SAE1: variants seen among roughly 807,000 people sequenced by gnomAD.
SAE1 encodes the protein SUMO-activating enzyme subunit 1.
A neutral mutation model predicts 40.6 loss-of-function variants in SAE1; 11 were observed. That is an observed-to-expected ratio of 0.27 (90% CI 0.17 to 0.45). The LOEUF is 0.45. Among genes scored for constraint, SAE1 ranks in the 20% least tolerant of loss-of-function variants. The probability of loss-of-function intolerance (pLI) is 1.00; values close to 1 mark genes in which losing one functional copy is unlikely to be tolerated. For synonymous variants in SAE1, 155 were observed against 154.3 expected, an observed-to-expected ratio of 1.00 and a Z score of -0.03; for missense variants, 373 against 427.3, an observed-to-expected ratio of 0.87 and a Z score of 1.12.
chr19:47,161,291 A>G (rs956057392), intron 5 of SAE1, among the ~76,000 whole-genome samples: 34 of 151,352 alleles, frequency 2.2e-4, no homozygotes, highest in African/African-American at 8.3e-4. Context: ...GATTATAGGC[A>G]TGAGCCACCG....
At chr19:47,131,147 C>T (rs748377759) in intron 1 of SAE1, 119 bp downstream of exon 1, 205 of 1,430,364 alleles carry the variant, frequency 1.4e-4, no homozygotes, top group Non-Finnish European at 1.8e-4. Context: ...GAATTCTGTG[C>T]TCTGGGATCG....
At chr19:47,173,198 C>T (rs975393781) in intron 6 of SAE1, among the ~76,000 whole-genome samples, 1 of 152,102 alleles carries the variant, frequency 6.6e-6, no homozygotes, top group South Asian at 2.1e-4. Context: ...AGGGTTCCAC[C>T]GTGTTGGCCA....
chr19:47,194,398 A>T (rs1003328227), intron 6 of SAE1, among the ~76,000 whole-genome samples: 11 of 152,222 alleles, frequency 7.2e-5, no homozygotes, highest in Non-Finnish European at 1.3e-4. Flanking sequence ...ATTTTTATGT[A>T]GGAACCCTTG....
intron 6 of SAE1, among the ~76,000 whole-genome samples, chr19:47,187,733 G>A (rs1383362081): frequency 6.6e-6 from 1 of 152,124 alleles, no homozygotes; most frequent in African/African-American, 2.4e-5. Context: ...TGTTGGCCAG[G>A]CTGGTCTCAA....
intron 6 of SAE1, among the ~76,000 whole-genome samples, chr19:47,193,257 CGCTGTG>C (rs2058591096): frequency 6.6e-6 from 1 of 151,782 alleles, no homozygotes; most frequent in Non-Finnish European, 1.5e-5. Flanking sequence ...GATGGGGTTT[CGCTGTG>C]TTGGCCAGGC....
chr19:47,138,476 A>G (rs920644581), intron 1 of SAE1, among the ~76,000 whole-genome samples: 3 of 152,190 alleles, frequency 2.0e-5, no homozygotes, highest in African/African-American at 7.2e-5. Context: ...CTTGGCACAT[A>G]GTAAGTGTTA....
intron 5 of SAE1, among the ~76,000 whole-genome samples, chr19:47,161,182 G>GGT (rs1555792004): frequency 2.9e-5 from 4 of 137,416 alleles, no homozygotes; most frequent in African/African-American, 5.4e-5. Context: ...ATTTTTTCGG[G>GGT]TTTTTTTTTT....
In SAE1 at chr19:47,209,687, AGT is replaced by A. The variant is rs911139833; in HGVS notation, c.*440_*441del. On this transcript the variant is annotated 3_prime_UTR_variant, in exon 9 of 9. Coordinates refer to ENST00000270225, the MANE Select transcript of SAE1 (RefSeq NM_005500.3). ...CCCCACCTGATACCTTATAGAGAAA[AGT>A]GTGAATTCAGGTGGAGAGTAGGCCC... is the stretch of plus-strand genomic sequence containing the variant. 1 of 171,958 alleles carries A rather than the reference AGT, an allele frequency of 5.8e-6. No homozygotes were observed. Among genetic ancestry groups the A allele is most frequent in the African/African-American group, 2.4e-5 (1 of 42,168 alleles). The allele number at this position is 171,958 out of a possible 1,614,324, so 10.7% of individuals were successfully genotyped here. A position where few individuals can be genotyped will look rare whatever the true frequency, so the allele number is the denominator to read the frequency against.
chr19:47,165,173 T>G (rs1050559555), intron 5 of SAE1, among the ~76,000 whole-genome samples: 3 of 135,332 alleles, frequency 2.2e-5, no homozygotes, highest in African/African-American at 8.2e-5. Context: ...CACTGCAACC[T>G]CAGCCTCCTG....
At position 47,136,170 on chromosome 19, in the gene SAE1, G is replaced by A. The variant is rs141500199; in HGVS notation, c.98+5142G>A. Among the ~76,000 whole-genome samples the A allele has an allele frequency of 2.4e-3, 362 of 151,838 alleles. 3 individuals are homozygous for A. Among genetic ancestry groups the A allele is most frequent in the African/African-American group, 8.4e-3 (347 of 41,402 alleles). On this transcript the variant is annotated intron_variant, in intron 1 of 8. Coordinates refer to ENST00000270225, the MANE Select transcript of SAE1 (RefSeq NM_005500.3). Reference sequence around the variant, plus strand: ...TTTTTTTCTTTTGAGACCGAGCCTCGCTCTGTTGCCCAGGCTAGAGGACAG... The same window carrying A: ...TTTTTTTCTTTTGAGACCGAGCCTCACTCTGTTGCCCAGGCTAGAGGACAG...
At chr19:47,145,192 G>A (rs1001322969) in intron 2 of SAE1, among the ~76,000 whole-genome samples, 2 of 152,044 alleles carry the variant, frequency 1.3e-5, no homozygotes, top group Non-Finnish European at 2.9e-5. Flanking sequence ...AGTAGAGACC[G>A]GGTTTCTCCA....
intron 1 of SAE1, among the ~76,000 whole-genome samples, chr19:47,140,023 C>T (rs1313291393): frequency 4.7e-5 from 7 of 150,394 alleles, no homozygotes; most frequent in African/African-American, 1.5e-4. Context: ...CTGCAACCTC[C>T]GCCTCCCGGG....
At chr19:47,165,341 T>C (rs1042801168) in intron 5 of SAE1, among the ~76,000 whole-genome samples, 2 of 152,042 alleles carry the variant, frequency 1.3e-5, no homozygotes, top group African/African-American at 2.4e-5. Context: ...CTACCCACCT[T>C]GGCCTCCCAA....
rs1444182834 is a variant in SAE1 at position 47,209,227 on chromosome 19, T to C, written c.1017T>C (p.Ile339=). ...TCGATGGCATGAAGGGGAATGGGAT[T>C]GTGGAGTGCCTTGGCCCCAAGTGAA... is the stretch of plus-strand genomic sequence containing the variant. The part of the protein sequence containing the change: ...FFFDGMKGNG[I]VECLGPK The change falls in exon 9 of 9, where the codon ATT becomes ATC. Residue 339 remains isoleucine, a synonymous_variant. Coordinates refer to ENST00000270225, the MANE Select transcript of SAE1 (RefSeq NM_005500.3). The C allele has an allele frequency of 9.3e-6, 15 of 1,614,120 alleles. 1 individual carries two copies. The South Asian group carries it at 1.5e-4, about 17-fold the overall frequency.
intron 8 of SAE1, among the ~76,000 whole-genome samples, chr19:47,204,786 G>A (rs766814813): frequency 4.6e-5 from 7 of 152,010 alleles, no homozygotes; most frequent in Admixed American, 6.6e-5. Flanking sequence ...GTGAGCCACC[G>A]CACCCGGCCA....
chr19:47,191,136 C>T (rs753022159), intron 6 of SAE1, among the ~76,000 whole-genome samples: 4 of 152,056 alleles, frequency 2.6e-5, no homozygotes, highest in Admixed American at 6.6e-5. Context: ...GTAGGTTGGG[C>T]GTAGTGGGTC....
intron 1 of SAE1, among the ~76,000 whole-genome samples, chr19:47,133,246 C>T (rs2058158335): frequency 6.6e-6 from 1 of 152,182 alleles, no homozygotes; most frequent in Non-Finnish European, 1.5e-5. Flanking sequence ...GAGACGGAGT[C>T]TTGCTCTGTG....
chr19:47,145,946 T>C (rs1375690817), intron 2 of SAE1, among the ~76,000 whole-genome samples: 1 of 151,892 alleles, frequency 6.6e-6, no homozygotes, highest in African/African-American at 2.4e-5. Flanking sequence ...GTTTTTTTTT[T>C]TTTTTTTTTC....
At chr19:47,169,754 C>T (rs1254449724) in intron 5 of SAE1, 64 bp from the exon 6 acceptor site, 1 of 1,057,978 alleles carries the variant, frequency 9.5e-7, no homozygotes. Context: ...TAGAGAAGAG[C>T]AACTGCCTTG....
Sources: gnomAD v4.1 joint callset for allele counts (sites outside exome capture counted in the v4.1 genomes callset) on GRCh38, gnomAD v4.1.1 for gene constraint, MANE v1.5 for transcripts, NCBI Gene and HGNC (gene_info 2026-07-23, HGNC 2026-07-21) for gene names.